The following SPIRE1 variants were observed in gnomAD, a reference collection of about 807,000 sequenced individuals.
SPIRE1 encodes spire type actin nucleation factor 1.
A neutral mutation model predicts 94.1 loss-of-function variants in SPIRE1; 40 were observed. The observed-to-expected ratio is 0.43, with a 90% CI of 0.33 to 0.55. SPIRE1 has a LOEUF of 0.55. Ranked by LOEUF, SPIRE1 falls within the 20% of genes least tolerant of loss-of-function variation. The pLI is 0.06. For synonymous variants in SPIRE1, 376 were observed against 371.7 expected (o/e 1.01, Z -0.13); for missense variants, 838 against 975.2 (o/e 0.86, Z 1.87).
chr18:12,603,314 T>C (rs1908558678), intron 2 of SPIRE1, among the ~76,000 whole-genome samples: 1 of 152,204 alleles, frequency 6.6e-6, no homozygotes, highest in Non-Finnish European at 1.5e-5. Context: ...TGTTTGCTTT[T>C]CTGGGGAAAT....
intron 4 of SPIRE1, among the ~76,000 whole-genome samples, chr18:12,523,215 G>C (rs1000976316): frequency 3.9e-5 from 6 of 152,170 alleles, no homozygotes; most frequent in African/African-American, 1.4e-4. Context: ...TGATGTGGTG[G>C]AAACAGTCAA....
chr18:12,465,297 C>T (rs903805286), intron 10 of SPIRE1, among the ~76,000 whole-genome samples: 3 of 152,066 alleles, frequency 2.0e-5, no homozygotes, highest in African/African-American at 7.2e-5. Context: ...CCACCTCAGA[C>T]TCCAGTAGCC....
chr18:12,607,946 G>A (rs2037030260), intron 2 of SPIRE1, among the ~76,000 whole-genome samples: 1 of 152,014 alleles, frequency 6.6e-6, no homozygotes, highest in Non-Finnish European at 1.5e-5. Flanking sequence ...CACAAGGTCA[G>A]GAGATCGAGA....
Position 12,569,547 on chromosome 18 carries a change from AC to A in SPIRE1, c.373-22644del, listed in dbSNP as rs2035910203. On this transcript the variant is annotated intron_variant, in intron 2 of 16. Transcript: ENST00000409402. ...ATGACTGAAACATAAGAGTACCTGG[AC>A]AGGTGACTTTGCATAGATATATACT... Among the ~76,000 whole-genome samples, 4 of 152,180 alleles carry A rather than the reference AC, an allele frequency of 2.6e-5. No homozygotes were observed. In the South Asian group the frequency reaches 8.3e-4, roughly 32 times the overall value.
chr18:12,485,580 A>T (rs530618646), intron 9 of SPIRE1, among the ~76,000 whole-genome samples: 1 of 152,262 alleles, frequency 6.6e-6, no homozygotes, highest in South Asian at 2.1e-4. Context: ...CAGGAAGTAG[A>T]TGTGTCAGAA....
intron 5 of SPIRE1, among the ~76,000 whole-genome samples, chr18:12,507,983 A>C (rs1274072889): frequency 6.6e-6 from 1 of 151,696 alleles, no homozygotes; most frequent in African/African-American, 2.4e-5. Context: ...CGTCTCTACT[A>C]AAAATACAAA....
At chr18:12,540,842 A>C (rs966511899) in intron 3 of SPIRE1, among the ~76,000 whole-genome samples, 2 of 152,250 alleles carry the variant, frequency 1.3e-5, no homozygotes, top group African/African-American at 4.8e-5. Context: ...AAATAAATAA[A>C]TCCTAAGCTT....
At chr18:12,597,899 C>A (rs1031543451) in intron 2 of SPIRE1, among the ~76,000 whole-genome samples, 23 of 152,184 alleles carry the variant, frequency 1.5e-4, no homozygotes, top group Non-Finnish European at 1.0e-4. Context: ...TCACCCCCAT[C>A]CACTCATGTC....
intron 2 of SPIRE1, among the ~76,000 whole-genome samples, chr18:12,608,106 C>T (rs897096642): frequency 1.3e-5 from 2 of 149,196 alleles, no homozygotes; most frequent in Non-Finnish European, 3.0e-5. Flanking sequence ...TGCAGTGAGC[C>T]GAGATCGCGC....
intron 2 of SPIRE1, among the ~76,000 whole-genome samples, chr18:12,569,064 G>A (rs941923450): frequency 6.6e-6 from 1 of 152,202 alleles, no homozygotes. Context: ...AACATGGCCG[G>A]GTGCGGTGGC....
chr18:12,657,895 C>T lies in SPIRE1; in HGVS notation c.-29G>A, dbSNP rs961143598. ...GCGGGTGGGCGCTGCGCTCGGCAGT[C>T]GCGCCGTGTGCCGGCGTCTCCTCAG... On this transcript the variant is annotated 5_prime_UTR_variant, in exon 1 of 17. Coordinates refer to ENST00000409402, the MANE Select transcript of SPIRE1 (RefSeq NM_001128626.2). 3 of 1,034,952 alleles carry T rather than the reference C, an allele frequency of 2.9e-6. No homozygotes were observed. Among genetic ancestry groups the T allele is most frequent in the Non-Finnish European group, 3.5e-6 (3 of 865,276 alleles). The allele number at this position is 1,034,952 out of a possible 1,614,324, so 64.1% of individuals were successfully genotyped here. A position where few individuals can be genotyped will look rare whatever the true frequency, so the allele number is the denominator to read the frequency against.
At chr18:12,561,311 C>T (rs540557110) in intron 2 of SPIRE1, among the ~76,000 whole-genome samples, 1 of 149,778 alleles carries the variant, frequency 6.7e-6, no homozygotes, top group South Asian at 2.1e-4. Context: ...CTCTTGTTGC[C>T]CAGGCTGGAG....
chr18:12,583,334 T>C (rs940725795), intron 2 of SPIRE1, among the ~76,000 whole-genome samples: 3 of 152,166 alleles, frequency 2.0e-5, no homozygotes, highest in Non-Finnish European at 4.4e-5. Context: ...CCGGGTATGG[T>C]GGCGCAAGCC....
At chr18:12,450,991 A>G in intron 16 of SPIRE1, 1 of 582,110 alleles carries the variant, frequency 1.7e-6, no homozygotes, top group Admixed American at 2.3e-5. Context: ...TGGAAGAGGA[A>G]GATGAAGATG....
At position 12,454,488 on chromosome 18, in the gene SPIRE1, A is replaced by T. The variant is rs1237721195; in HGVS notation, c.1639-5T>A. ...CACTGGGTAGCAGAATTCCTCCTGA[A>T]ATTCAAAATGTCACGTGAATAAGAG... On this transcript the variant is annotated splice_region_variant and splice_polypyrimidine_tract_variant and intron_variant, in intron 12 of 16. Coordinates refer to ENST00000409402, the MANE Select transcript of SPIRE1 (RefSeq NM_001128626.2). 6.2e-7 allele frequency: 1 copy of T among 1,613,890 alleles called. No individual in the cohort carries two copies. The highest frequency in any genetic ancestry group is 8.5e-7 in the Non-Finnish European group (1 of 1,179,968).
chr18:12,538,555 C>T (rs921224375), intron 3 of SPIRE1, among the ~76,000 whole-genome samples: 6 of 152,162 alleles, frequency 3.9e-5, no homozygotes, highest in African/African-American at 1.4e-4. Context: ...TTAAATGCCA[C>T]CTATAGGCTG....
intron 2 of SPIRE1, among the ~76,000 whole-genome samples, chr18:12,627,203 C>T (rs2037655820): frequency 6.6e-6 from 1 of 151,594 alleles, no homozygotes; most frequent in Non-Finnish European, 1.5e-5. Flanking sequence ...CTAATGCTAT[C>T]CCTCCTCCCT....
At chr18:12,461,517 CAT>C (rs141441323) in intron 12 of SPIRE1, among the ~76,000 whole-genome samples, 12,045 of 128,488 alleles carry the variant, frequency 0.094, 822 homozygotes, top group African/African-American at 0.2. Context: ...TACGTACATA[CAT>C]ATGTGTGGTA....
At chr18:12,532,248 C>T (rs1171175462) in intron 4 of SPIRE1, among the ~76,000 whole-genome samples, 1 of 152,128 alleles carries the variant, frequency 6.6e-6, no homozygotes, top group Non-Finnish European at 1.5e-5. Flanking sequence ...AGATACTGTG[C>T]TTTATAAAGT....
Sources: gnomAD v4.1 joint callset for allele counts (sites outside exome capture counted in the v4.1 genomes callset) on GRCh38, gnomAD v4.1.1 for gene constraint, MANE v1.5 for transcripts, NCBI Gene and HGNC (gene_info 2026-07-23, HGNC 2026-07-21) for gene names.